Variants in NPHP4 observed in about 807,000 individuals in gnomAD.
NPHP4 encodes the protein nephrocystin-4.
In NPHP4, 151 loss-of-function variants were observed where a neutral mutation model predicts 155.8. The ratio of observed to expected loss-of-function variants is 0.97; its 90% CI spans 0.85 to 1.11. The LOEUF (loss-of-function observed/expected upper bound fraction) is 1.11, where lower values mean the gene tolerates loss of function less well. NPHP4 is among the 50% of genes least tolerant of loss of function. The pLI is 0.00. For missense variants in NPHP4, 1,956 were observed against 1,925.7 expected, an observed-to-expected ratio of 1.02 and a Z score of -0.29; for synonymous variants, 845 against 816.8, an observed-to-expected ratio of 1.03 and a Z score of -0.59.
rs1361339908 is a variant in NPHP4 at position 5,889,776 on chromosome 1, C to T, written c.2304+1092G>A. Among the ~76,000 whole-genome samples the T allele has an allele frequency of 6.6e-6, 1 of 152,172 alleles. No individual in the cohort carries two copies. Among genetic ancestry groups the T allele is most frequent in the Non-Finnish European group, 1.5e-5 (1 of 68,034 alleles). ...GACCCTGTGGGGCCCTTGCCATGAC[C>T]CCAACAGGAACAGAGGCCCAGGGTG... On this transcript the variant is annotated intron_variant, in intron 17 of 29. Coordinates refer to ENST00000378156, the MANE Select transcript of NPHP4 (RefSeq NM_015102.5). The surrounding 1 kb of genome is among the most constrained non-coding windows in gnomAD (Gnocchi z 4.2).
At chr1:5,922,754 G>A (rs998994141) in intron 11 of NPHP4, among the ~76,000 whole-genome samples, 15 of 146,198 alleles carry the variant, frequency 1.0e-4, no homozygotes, top group East Asian at 2.0e-4. Flanking sequence ...AGCCGGGCAC[G>A]GTGGCACTGC....
rs1204924769 is a variant in NPHP4 at position 5,907,223 on chromosome 1, C to T, written c.1504-1G>A. 2.5e-6 allele frequency: 4 copies of T among 1,569,912 alleles called. No homozygotes were observed. Among genetic ancestry groups the T allele is most frequent in the South Asian group, 1.2e-5 (1 of 84,754 alleles). On this transcript the variant is annotated splice_acceptor_variant, in intron 12 of 29. Coordinates refer to ENST00000378156, the MANE Select transcript of NPHP4 (RefSeq NM_015102.5). LOFTEE classifies it high-confidence loss of function. Reference sequence around the variant, plus strand: ...AGGCCGCCAGCTGGGAAATTGACAACTGGAAGGAAAGAGAGCACAGGTGAG... The same window carrying T: ...AGGCCGCCAGCTGGGAAATTGACAATTGGAAGGAAAGAGAGCACAGGTGAG...
chr1:5,907,175 G>A lies in NPHP4; in HGVS notation c.1551C>T (p.His517=), dbSNP rs1229142204. Residue 517 remains histidine, a synonymous_variant, in exon 13 of 30, where the codon CAC becomes CAT. Transcript: ENST00000378156. ...GCTGTGAAGTAGGCCTGGCCAAGCA[G>A]TGCTGAGTCGGGGACCGCGGGGAGG... ...LAASPRSPTQ[H]CLARPTSQLP... 2 of 1,592,118 alleles carry A rather than the reference G, an allele frequency of 1.3e-6. No homozygotes were observed. Among genetic ancestry groups the A allele is most frequent in the Admixed American group, 1.7e-5 (1 of 57,296 alleles).
In NPHP4 at chr1:5,874,956, C is replaced by T. The variant is rs770053255; in HGVS notation, c.2962G>A (p.Ala988Thr). 4.3e-5 allele frequency: 69 copies of T among 1,613,222 alleles called. 1 individual carries two copies. Among genetic ancestry groups the T allele is most frequent in the Admixed American group, 2.2e-4 (13 of 59,994 alleles). ...TTAAGCACAAACTCAAAGAACTCGGCGACCCCCAGCGTGGCGTGGAGCGTG... is the reference window on the plus strand; with the variant it reads ...TTAAGCACAAACTCAAAGAACTCGGTGACCCCCAGCGTGGCGTGGAGCGTG... ...EHTLHATLGV[A>T]EFFEFVLKNP... The change falls in exon 21 of 30, where the codon GCC becomes ACC. Residue 988 changes from alanine to threonine, a missense_variant. By Grantham distance (58) the Ala-to-Thr change is moderately conservative (BLOSUM62 0). Transcript: ENST00000378156.
chr1:5,888,007 C>T (rs967391610), intron 17 of NPHP4, among the ~76,000 whole-genome samples: 5 of 152,212 alleles, frequency 3.3e-5, no homozygotes, highest in Admixed American at 3.3e-4. Flanking sequence ...AATGCCTCCC[C>T]CGTTTCCCTG....
intron 16 of NPHP4, among the ~76,000 whole-genome samples, chr1:5,898,747 T>C (rs1644521808): frequency 6.6e-6 from 1 of 152,254 alleles, no homozygotes; most frequent in East Asian, 1.9e-4. Flanking sequence ...TGTCTAAATT[T>C]GGTGGGTATG....
intron 5 of NPHP4, among the ~76,000 whole-genome samples, chr1:5,962,841 G>C (rs748684100): frequency 2.9e-4 from 44 of 152,230 alleles, no homozygotes; most frequent in Non-Finnish European, 5.3e-4. Context: ...AGAAACGGGA[G>C]TGCGGGGAGA....
intron 11 of NPHP4, 54 bp from the exon 12 acceptor site, chr1:5,909,267 G>GCCCCCAA: frequency 7.0e-7 from 1 of 1,421,878 alleles, no homozygotes; most frequent in Non-Finnish European, 9.8e-7. Flanking sequence ...TGTGTTGGGG[G>GCCCCCAA]CAGTGGGCCC....
At chr1:5,868,956 AATGCACACACAC>A (rs1193987310) in intron 23 of NPHP4, among the ~76,000 whole-genome samples, 5 of 131,694 alleles carry the variant, frequency 3.8e-5, no homozygotes, top group South Asian at 5.0e-4. Context: ...ACACACACAC[AATGCACACACAC>A]ATGCACACAC....
chr1:5,875,802 G>C (rs1039607241), intron 20 of NPHP4, among the ~76,000 whole-genome samples: 1 of 152,280 alleles, frequency 6.6e-6, no homozygotes, highest in Admixed American at 6.5e-5. Flanking sequence ...GCTACTCCAA[G>C]AAGCCGCTGC....
intron 3 of NPHP4, among the ~76,000 whole-genome samples, chr1:5,976,722 C>A (rs372593878): frequency 2.0e-5 from 3 of 152,192 alleles, no homozygotes; most frequent in Admixed American, 6.5e-5. Flanking sequence ...ATTGAAGCTT[C>A]GTGACCTCTG....
intron 5 of NPHP4, among the ~76,000 whole-genome samples, chr1:5,962,961 G>A (rs566771832): frequency 3.3e-5 from 5 of 152,334 alleles, no homozygotes; most frequent in Non-Finnish European, 5.9e-5. Context: ...ACCACATCCC[G>A]AGGCACAGGG....
intron 9 of NPHP4, among the ~76,000 whole-genome samples, chr1:5,936,743 C>T (rs974698969): frequency 5.3e-5 from 8 of 152,208 alleles, no homozygotes; most frequent in Non-Finnish European, 1.0e-4. Flanking sequence ...CCCTTGGCCT[C>T]TGGAAATGCT....
At chr1:5,988,830 C>T (rs1179682493) in intron 1 of NPHP4, among the ~76,000 whole-genome samples, 2 of 150,426 alleles carry the variant, frequency 1.3e-5, no homozygotes, top group East Asian at 3.9e-4. Flanking sequence ...CACAGTGCAC[C>T]CAGACGCTGC....
At chr1:5,913,761 C>T (rs775141083) in intron 11 of NPHP4, among the ~76,000 whole-genome samples, 2 of 152,218 alleles carry the variant, frequency 1.3e-5, no homozygotes, top group African/African-American at 2.4e-5. Flanking sequence ...GTGAGTTGAA[C>T]TGCAGAAGTT....
In NPHP4 at chr1:5,901,403, G is replaced by C. The variant is rs145736278; in HGVS notation, c.2143+3214C>G. Among the ~76,000 whole-genome samples, 521 of 152,336 alleles carry C rather than the reference G, an allele frequency of 3.4e-3. 4 individuals are homozygous for C. Among genetic ancestry groups the C allele is most frequent in the African/African-American group, 0.012 (499 of 41,576 alleles). On this transcript the variant is annotated intron_variant, in intron 16 of 29. Coordinates refer to ENST00000378156, the MANE Select transcript of NPHP4 (RefSeq NM_015102.5). ...CGGCTGCTGAAGGAAGCCCAGACCT[G>C]CCCAGGCAGAGACTCAGATATGTAA... is the stretch of plus-strand genomic sequence containing the variant.
At position 5,874,903 on chromosome 1, in the gene NPHP4, C is replaced by A; in HGVS notation, c.3015G>T (p.Val1005=). The A allele has an allele frequency of 6.2e-7, 1 of 1,613,856 alleles. No individual in the cohort carries two copies. Among genetic ancestry groups the A allele is most frequent in the South Asian group, 1.1e-5 (1 of 91,062 alleles). The change falls in exon 21 of 30, where the codon GTG becomes GTT. Residue 1005 remains valine, a synonymous_variant. Coordinates refer to ENST00000378156, the MANE Select transcript of NPHP4 (RefSeq NM_015102.5). The stretch of plus-strand genomic sequence containing the variant: ...GCTCGGGGTTGTCGATCTCCACAGT[C>A]ACCGTGTGCTGTGTGTTGTGGGGGT... ...LKNPHNTQHT[V]TVEIDNPELS... is the part of the protein sequence containing the mutation.
intron 23 of NPHP4, among the ~76,000 whole-genome samples, chr1:5,868,750 T>G (rs565249342): frequency 2.2e-5 from 2 of 92,904 alleles, no homozygotes; most frequent in Non-Finnish European, 2.4e-5. Context: ...CACCCACACA[T>G]GTACACATAT....
intron 23 of NPHP4, chr1:5,868,419 A>G (rs191612351): frequency 8.2e-4 from 209 of 253,948 alleles, no homozygotes; most frequent in African/African-American, 4.5e-3. Context: ...AGAGCTACTC[A>G]TTAAAAACCA....
Sources: gnomAD v4.1 joint callset for allele counts (sites outside exome capture counted in the v4.1 genomes callset) on GRCh38, gnomAD v4.1.1 for gene constraint, Gnocchi (gnomAD v3.1) non-coding constraint, MANE v1.5 for transcripts, NCBI Gene and HGNC (gene_info 2026-07-23, HGNC 2026-07-21) for gene names.